The following DTD1 variants were observed in gnomAD, a reference collection of about 807,000 sequenced individuals.
DTD1 encodes the protein D-tyrosyl-tRNA deacylase 1 homolog.
A neutral mutation model predicts 25.6 loss-of-function variants in DTD1; 13 were observed. The observed-to-expected ratio is 0.51, with a 90% CI of 0.33 to 0.81. The LOEUF is 0.81. Among genes scored for constraint, DTD1 ranks in the 30% least tolerant of loss-of-function variants. The pLI is 0.02. For missense variants in DTD1, 193 were observed against 266.4 expected, an observed-to-expected ratio of 0.72 and a Z score of 1.92; for synonymous variants, 110 against 103.6, an observed-to-expected ratio of 1.06 and a Z score of -0.37.
intron 4 of DTD1, among the ~76,000 whole-genome samples, chr20:18,670,769 T>C (rs561191738): frequency 5.4e-4 from 82 of 152,342 alleles, no homozygotes; most frequent in Non-Finnish European, 6.5e-4. Context: ...ATCAAGCCAA[T>C]GAACAGAGAA....
In DTD1 at chr20:18,725,492, C is replaced by T. The variant is rs73899872; in HGVS notation, c.478-18608C>T. Among the ~76,000 whole-genome samples the T allele has an allele frequency of 8.8e-3, 1,314 of 149,994 alleles. 19 individuals are homozygous for T. The highest frequency in any genetic ancestry group is 0.03 in the African/African-American group (1,257 of 41,476). ...TGAAGCAATATGCTTTAGCCTCTGT[C>T]CTGATGTCACTGGTTTAAATAATTT... On this transcript the variant is annotated intron_variant, in intron 4 of 5. Coordinates refer to ENST00000377452, the MANE Select transcript of DTD1 (RefSeq NM_080820.6).
intron 4 of DTD1, among the ~76,000 whole-genome samples, chr20:18,729,829 C>G (rs1247478608): frequency 6.6e-6 from 1 of 152,284 alleles, no homozygotes; most frequent in African/African-American, 2.4e-5. Context: ...TGCCCCTGGC[C>G]GGGAATGACC....
At chr20:18,688,848 A>G (rs1425158360) in intron 4 of DTD1, among the ~76,000 whole-genome samples, 1 of 152,104 alleles carries the variant, frequency 6.6e-6, no homozygotes, top group Non-Finnish European at 1.5e-5. Context: ...AGGAAGCAGG[A>G]AGTCCTTGCT....
intron 4 of DTD1, among the ~76,000 whole-genome samples, chr20:18,630,221 A>G (rs903669072): frequency 6.6e-6 from 1 of 152,078 alleles, no homozygotes; most frequent in Non-Finnish European, 1.5e-5. Context: ...GAGTTTCCAT[A>G]TACTTTTTAA....
intron 1 of DTD1, among the ~76,000 whole-genome samples, chr20:18,589,540 G>A (rs543424365): frequency 6.6e-6 from 1 of 152,264 alleles, no homozygotes; most frequent in Middle Eastern, 3.4e-3. Context: ...TGGAATAATA[G>A]GGAATAGAGT....
intron 4 of DTD1, among the ~76,000 whole-genome samples, chr20:18,657,971 G>A (rs917311393): frequency 3.3e-5 from 5 of 152,152 alleles, no homozygotes; most frequent in Non-Finnish European, 7.3e-5. Flanking sequence ...AGTATTAGAG[G>A]GGAGTACACA....
At chr20:18,620,596 CT>C (rs1031162226) in intron 3 of DTD1, among the ~76,000 whole-genome samples, 4 of 127,276 alleles carry the variant, frequency 3.1e-5, no homozygotes, top group Non-Finnish European at 6.8e-5. Flanking sequence ...TTCTTTTTTT[CT>C]TTTTTTTCTT....
At chr20:18,706,682 A>G (rs2061127734) in intron 4 of DTD1, among the ~76,000 whole-genome samples, 1 of 152,206 alleles carries the variant, frequency 6.6e-6, no homozygotes, top group Admixed American at 6.5e-5. Flanking sequence ...AAAAAATAGC[A>G]CAGAAAATGA....
chr20:18,655,230 C>T (rs1354170266), intron 4 of DTD1, among the ~76,000 whole-genome samples: 1 of 152,172 alleles, frequency 6.6e-6, no homozygotes, highest in African/African-American at 2.4e-5. Flanking sequence ...GTTATGAACT[C>T]TCTTCAATTA....
chr20:18,758,512 C>T (rs987322534), intron 5 of DTD1, among the ~76,000 whole-genome samples: 5 of 152,144 alleles, frequency 3.3e-5, no homozygotes, highest in Admixed American at 1.3e-4. Context: ...TTTACTTCTG[C>T]CTTCATTTCC....
intron 4 of DTD1, among the ~76,000 whole-genome samples, chr20:18,711,979 G>A (rs1158937913): frequency 1.3e-5 from 2 of 151,720 alleles, no homozygotes; most frequent in African/African-American, 4.8e-5. Context: ...TGAAGCAGGA[G>A]AATTGCTTGA....
chr20:18,629,985 A>G (rs1435614767), intron 4 of DTD1, among the ~76,000 whole-genome samples: 1 of 152,204 alleles, frequency 6.6e-6, no homozygotes, highest in Middle Eastern at 3.4e-3. Flanking sequence ...GGGGATTCCA[A>G]TTCAACATGA....
intron 5 of DTD1, among the ~76,000 whole-genome samples, chr20:18,756,662 G>C (rs555572987): frequency 2.0e-5 from 3 of 151,920 alleles, no homozygotes; most frequent in Admixed American, 2.0e-4. Context: ...ATGCTGTTTT[G>C]GTTACTGTAG....
intron 4 of DTD1, among the ~76,000 whole-genome samples, chr20:18,681,779 C>G (rs2060997959): frequency 6.6e-6 from 1 of 152,154 alleles, no homozygotes; most frequent in African/African-American, 2.4e-5. Flanking sequence ...AGAAGTTCTT[C>G]TGGTAGAAGG....
chr20:18,758,416 T>G (rs1242917745), intron 5 of DTD1, among the ~76,000 whole-genome samples: 2 of 152,234 alleles, frequency 1.3e-5, no homozygotes, highest in East Asian at 3.8e-4. Context: ...TTTAGTGGTA[T>G]AAATTTCCCT....
chr20:18,698,926 C>A (rs552208685), intron 4 of DTD1, among the ~76,000 whole-genome samples: 68 of 152,302 alleles, frequency 4.5e-4, no homozygotes, highest in African/African-American at 1.6e-3. Context: ...CTCATCTCCT[C>A]TTGGTTACAA....
At position 18,596,128 on chromosome 20, in the gene DTD1, T is replaced by C; in HGVS notation, c.257T>C (p.Leu86Pro). The change falls in exon 3 of 6, where the codon CTG becomes CCG. Residue 86 changes from leucine to proline, a missense_variant. Transcript: ENST00000377452. ...AGCCAGTTTACCCTCCAGTGTGTCC[T>C]GAAGGGAAACAAGCCTGATTTCCAC... ...CVSQFTLQCV[L>P]KGNKPDFHLA... The C allele has an allele frequency of 6.2e-7, 1 of 1,614,164 alleles. No individual in the cohort carries two copies. Among genetic ancestry groups the C allele is most frequent in the Non-Finnish European group, 8.5e-7 (1 of 1,180,014 alleles).
intron 4 of DTD1, among the ~76,000 whole-genome samples, chr20:18,712,998 T>C (rs1568678546): frequency 6.6e-6 from 1 of 152,242 alleles, no homozygotes; most frequent in Non-Finnish European, 1.5e-5. Context: ...TCTCTTTCCC[T>C]CCCCTGTCCT....
intron 4 of DTD1, among the ~76,000 whole-genome samples, chr20:18,639,699 T>C (rs548962625): frequency 6.6e-6 from 1 of 152,346 alleles, no homozygotes; most frequent in Non-Finnish European, 1.5e-5. Context: ...ACAGAAAATA[T>C]ATTCGTTTGA....
Sources: allele counts gnomAD v4.1 joint callset (sites outside exome capture counted in the v4.1 genomes callset), GRCh38; gene constraint gnomAD v4.1.1; transcripts MANE v1.5; gene names NCBI Gene and HGNC (gene_info 2026-07-23, HGNC 2026-07-21).